PKP2: variants seen among roughly 807,000 people sequenced by gnomAD.
The protein encoded by PKP2 is plakophilin-2.
PKP2 carries 73 observed loss-of-function variants against 83.4 expected under a neutral mutation model. That is an observed-to-expected ratio of 0.88 (90% CI 0.72 to 1.06). The LOEUF is 1.06. Ranked by LOEUF, PKP2 falls within the 50% of genes least tolerant of loss-of-function variation. PKP2 has a pLI of 0.00. For synonymous variants in PKP2, 409 were observed against 430.4 expected (o/e 0.95, Z 0.62); for missense variants, 966 against 1,065.4 (o/e 0.91, Z 1.30).
At chr12:32,880,812 TA>T (rs1279878944) in intron 1 of PKP2, among the ~76,000 whole-genome samples, 1 of 152,092 alleles carries the variant, frequency 6.6e-6, no homozygotes, top group Non-Finnish European at 1.5e-5. Flanking sequence ...CTTACTGCCT[TA>T]AAAAAAGGCT....
At chr12:32,838,744 C>T (rs1021183442) in intron 6 of PKP2, among the ~76,000 whole-genome samples, 3 of 152,178 alleles carry the variant, frequency 2.0e-5, no homozygotes, top group African/African-American at 4.8e-5. Context: ...AATGCATAGG[C>T]TTAGCTTTTA....
chr12:32,877,801 A>T (rs1476463507), intron 3 of PKP2, 45 bp downstream of exon 3: 2 of 1,371,698 alleles, frequency 1.5e-6, no homozygotes, highest in South Asian at 2.3e-5. Context: ...GTGGGAACAG[A>T]ATGTGCTGGC....
At chr12:32,892,640 T>C (rs1312290516) in intron 1 of PKP2, among the ~76,000 whole-genome samples, 1 of 152,092 alleles carries the variant, frequency 6.6e-6, no homozygotes, top group Non-Finnish European at 1.5e-5. Flanking sequence ...ATCACAGATA[T>C]TGAAAAGCAG....
chr12:32,840,982 A>T (rs770337059), intron 6 of PKP2, 46 bp downstream of exon 6: 2 of 1,503,366 alleles, frequency 1.3e-6, no homozygotes, highest in South Asian at 2.3e-5. Context: ...GGGCTACCTA[A>T]TTTTTTATTG....
At chr12:32,824,583 G>T (rs1307583912) in intron 6 of PKP2, among the ~76,000 whole-genome samples, 1 of 152,132 alleles carries the variant, frequency 6.6e-6, no homozygotes, top group Non-Finnish European at 1.5e-5. Flanking sequence ...CTGGGCCTCA[G>T]TTTCCTCACT....
intron 10 of PKP2, among the ~76,000 whole-genome samples, chr12:32,798,369 G>C (rs1158833939): frequency 1.3e-5 from 2 of 151,898 alleles, no homozygotes; most frequent in Non-Finnish European, 2.9e-5. Context: ...GGGATTACAG[G>C]CGTGAGCCAC....
intron 4 of PKP2, among the ~76,000 whole-genome samples, chr12:32,864,315 C>T (rs1377826858): frequency 7.6e-6 from 1 of 130,780 alleles, no homozygotes; most frequent in Non-Finnish European, 1.5e-5. Context: ...CACATACACA[C>T]ACACACACAC....
chr12:32,896,169 G>A (rs1957121430), intron 1 of PKP2, among the ~76,000 whole-genome samples: 1 of 152,200 alleles, frequency 6.6e-6, no homozygotes, highest in African/African-American at 2.4e-5. Context: ...ATCTCAAGGT[G>A]TTTATAGACT....
rs767935208 is a variant in PKP2, at chr12:32,822,497, A to C, written c.1809T>G (p.Cys603Trp). 133 of 1,614,022 alleles carry C rather than the reference A, an allele frequency of 8.2e-5. No homozygotes were observed. The highest frequency in any genetic ancestry group is 1.1e-4 in the Non-Finnish European group (129 of 1,180,048). The change falls in exon 8 of 13, where the codon TGT (cysteine) becomes TGG (tryptophan). Residue 603 changes from cysteine to tryptophan, a missense_variant. Cys to Trp is a radical substitution (Grantham distance 215). Coordinates refer to ENST00000340811, the MANE Select transcript of PKP2 (RefSeq NM_001005242.3). ...IQTDNNKSIGCFGSRSRKVKE... is the reference protein window; with the variant it reads ...IQTDNNKSIGWFGSRSRKVKE... ...TTACTTTCCTGCTTCGACTGCCAAAACATCCAATACTTTTGTTGTTGTCAG... is the reference window on the plus strand; with the variant it reads ...TTACTTTCCTGCTTCGACTGCCAAACCATCCAATACTTTTGTTGTTGTCAG...
Position 32,890,074 on chromosome 12 carries a change from C to CAAAA in PKP2, c.223+6431_223+6434dup, listed in dbSNP as rs55957473. On this transcript the variant is annotated intron_variant, in intron 1 of 12. Coordinates refer to ENST00000340811, the MANE Select transcript of PKP2 (RefSeq NM_001005242.3). Reference sequence around the variant, plus strand: ...CTGGGCATAGAGCGAGACTCCATCTCAAAAAAAAAAAAAAAAAAAAAAAGA... The same window carrying CAAAA: ...CTGGGCATAGAGCGAGACTCCATCTCAAAAAAAAAAAAAAAAAAAAAAAAAAAGA... 1.2e-3 allele frequency among the ~76,000 whole-genome samples: 76 copies of CAAAA among 63,972 alleles called. 1 individual carries two copies. The highest frequency in any genetic ancestry group is 8.9e-3 in the Middle Eastern group (1 of 112). 42.0% of individuals were successfully genotyped at this position (63,972 alleles called of 152,430 possible). A position where few individuals can be genotyped will look rare whatever the true frequency, so the allele number is the denominator to read the frequency against.
intron 5 of PKP2, among the ~76,000 whole-genome samples, chr12:32,847,676 G>C (rs147866064): frequency 2.6e-4 from 39 of 152,276 alleles, no homozygotes; most frequent in African/African-American, 8.7e-4. Context: ...TGCTAGTGAT[G>C]CTCACTTTGC....
intron 5 of PKP2, among the ~76,000 whole-genome samples, chr12:32,849,042 A>G (rs2137856785): frequency 6.6e-6 from 1 of 151,228 alleles, no homozygotes; most frequent in East Asian, 1.9e-4. Context: ...TATGATGTAT[A>G]TTCTTTGAGC....
chr12:32,808,985 T>A (rs573388144), intron 9 of PKP2, among the ~76,000 whole-genome samples: 12 of 152,206 alleles, frequency 7.9e-5, no homozygotes, highest in Admixed American at 4.6e-4. Flanking sequence ...TATTGAAAGG[T>A]CTCACCCAGT....
At chr12:32,805,385 A>G (rs1186953019) in intron 9 of PKP2, among the ~76,000 whole-genome samples, 1 of 152,170 alleles carries the variant, frequency 6.6e-6, no homozygotes, top group East Asian at 1.9e-4. Context: ...GCCAGTGCCT[A>G]TGTCCTGAAT....
intron 4 of PKP2, among the ~76,000 whole-genome samples, chr12:32,852,806 G>A (rs1277313383): frequency 2.0e-5 from 3 of 152,132 alleles, no homozygotes; most frequent in Non-Finnish European, 2.9e-5. Context: ...TTAGCTGGCC[G>A]GGCACGGTGG....
chr12:32,829,265 T>G (rs1022097509), intron 6 of PKP2, among the ~76,000 whole-genome samples: 1 of 151,672 alleles, frequency 6.6e-6, no homozygotes, highest in South Asian at 2.1e-4. Context: ...TTCTTATTTT[T>G]TTTTTTTGAG....
At chr12:32,875,255 C>T (rs1370215702) in intron 3 of PKP2, among the ~76,000 whole-genome samples, 1 of 151,976 alleles carries the variant, frequency 6.6e-6, no homozygotes, top group Non-Finnish European at 1.5e-5. Context: ...AGGAAGTGGT[C>T]AGAAAATAGG....
At chr12:32,842,932 C>T (rs969164506) in intron 5 of PKP2, among the ~76,000 whole-genome samples, 6 of 152,000 alleles carry the variant, frequency 3.9e-5, no homozygotes, top group African/African-American at 1.5e-4. Flanking sequence ...CTCGGCCTCC[C>T]AAAGTGCTGA....
At chr12:32,890,309 C>T (rs1346126604) in intron 1 of PKP2, among the ~76,000 whole-genome samples, 1 of 152,080 alleles carries the variant, frequency 6.6e-6, no homozygotes, top group East Asian at 1.9e-4. Flanking sequence ...TGCTCACCCA[C>T]ACCCACCCCA....
Sources: gnomAD v4.1 joint callset for allele counts (sites outside exome capture counted in the v4.1 genomes callset) on GRCh38, gnomAD v4.1.1 for gene constraint, MANE v1.5 for transcripts, NCBI Gene and HGNC (gene_info 2026-07-23, HGNC 2026-07-21) for gene names.